The following IQCM variants were observed in gnomAD, a reference collection of about 807,000 sequenced individuals.
The protein encoded by IQCM is IQ domain-containing protein M.
Under a neutral mutation model 57.6 loss-of-function variants are expected in IQCM, and 45 were observed. That is an observed-to-expected ratio of 0.78 (90% CI 0.62 to 1.00). The LOEUF is 1.00. Among genes scored for constraint, IQCM ranks in the 50% least tolerant of loss-of-function variants. IQCM has a pLI of 0.00. For missense variants in IQCM, 468 were observed against 511.6 expected (o/e 0.91, Z 0.82); for synonymous variants, 148 against 158.9 (o/e 0.93, Z 0.51).
At chr4:149,777,885 G>A (rs1771239607) in intron 2 of IQCM, among the ~76,000 whole-genome samples, 1 of 151,898 alleles carries the variant, frequency 6.6e-6, no homozygotes, top group African/African-American at 2.4e-5. Context: ...GAAGTAAAGA[G>A]GTCAGCAATC....
rs1435494512 is a variant in IQCM, at chr4:149,627,578, ATAT to A, written c.566-6337_566-6335del. On this transcript the variant is annotated intron_variant, in intron 7 of 13. Coordinates refer to ENST00000636793, the MANE Select transcript of IQCM (RefSeq NM_001363507.2). ...TGTTCCATTTAACAGAGGAGAAAAC[ATAT>A]TATGTCCCTTGGTCAAGTTCAGAGG... Among the ~76,000 whole-genome samples, 4 of 152,274 alleles carry A rather than the reference ATAT, an allele frequency of 2.6e-5. No homozygotes were observed. The East Asian group carries it at 7.7e-4, about 29-fold the overall frequency.
intron 12 of IQCM, among the ~76,000 whole-genome samples, chr4:149,541,350 T>C (rs1209987619): frequency 1.3e-5 from 2 of 152,134 alleles, no homozygotes; most frequent in East Asian, 1.9e-4. Flanking sequence ...TCATGTTTTT[T>C]AAGATTTTTG....
chr4:149,444,393 C>T (rs1183056931), intron 12 of IQCM, among the ~76,000 whole-genome samples: 1 of 151,840 alleles, frequency 6.6e-6, no homozygotes, highest in Non-Finnish European at 1.5e-5. Flanking sequence ...ATATTTCTAA[C>T]ATTGGAGATA....
intron 7 of IQCM, among the ~76,000 whole-genome samples, chr4:149,673,483 A>AT (rs1394871934): frequency 1.3e-5 from 2 of 152,178 alleles, no homozygotes; most frequent in Non-Finnish European, 2.9e-5. Context: ...CTAGTCTCTG[A>AT]TAAAACAGAC....
At chr4:149,472,961 C>A (rs1739750008) in intron 12 of IQCM, among the ~76,000 whole-genome samples, 1 of 152,148 alleles carries the variant, frequency 6.6e-6, no homozygotes, top group South Asian at 2.1e-4. Context: ...ACACCTTATA[C>A]AAAAATTAAT....
chr4:149,447,735 C>A (rs1195213154), intron 12 of IQCM, among the ~76,000 whole-genome samples: 1 of 151,434 alleles, frequency 6.6e-6, no homozygotes, highest in Non-Finnish European at 1.5e-5. Flanking sequence ...AAAATAATGA[C>A]CAATTTTCCA....
intron 13 of IQCM, among the ~76,000 whole-genome samples, chr4:149,383,679 C>A (rs1731226894): frequency 6.6e-6 from 1 of 152,110 alleles, no homozygotes; most frequent in South Asian, 2.1e-4. Context: ...ATAAGCCGTG[C>A]ATGGTGGCTT....
intron 8 of IQCM, among the ~76,000 whole-genome samples, chr4:149,611,805 T>A (rs1290925019): frequency 1.3e-5 from 2 of 152,214 alleles, no homozygotes; most frequent in Non-Finnish European, 2.9e-5. Flanking sequence ...AACTATGATT[T>A]ATTGTATATT....
At chr4:149,770,473 C>T (rs1770468779) in intron 2 of IQCM, among the ~76,000 whole-genome samples, 1 of 151,942 alleles carries the variant, frequency 6.6e-6, no homozygotes, top group Non-Finnish European at 1.5e-5. Context: ...ACCAGAGATA[C>T]ATTACAAGAA....
chr4:149,435,833 T>C (rs1446172447), intron 12 of IQCM, among the ~76,000 whole-genome samples: 1 of 152,134 alleles, frequency 6.6e-6, no homozygotes, highest in Non-Finnish European at 1.5e-5. Context: ...AAATAGGGCT[T>C]ACAGAATAAG....
intron 12 of IQCM, among the ~76,000 whole-genome samples, chr4:149,543,855 TAAAC>T (rs1748111412): frequency 6.6e-6 from 1 of 152,180 alleles, no homozygotes; most frequent in South Asian, 2.1e-4. Context: ...AAAAGTCACT[TAAAC>T]AACCTAAACT....
At chr4:149,639,353 G>T (rs574464743) in intron 7 of IQCM, among the ~76,000 whole-genome samples, 1 of 151,680 alleles carries the variant, frequency 6.6e-6, no homozygotes, top group African/African-American at 2.4e-5. Context: ...TTGAGCCCGG[G>T]AGATCGAGGC....
At chr4:149,513,532 G>C (rs531669043) in intron 12 of IQCM, among the ~76,000 whole-genome samples, 1 of 152,258 alleles carries the variant, frequency 6.6e-6, no homozygotes, top group African/African-American at 2.4e-5. Context: ...AATTATTCTA[G>C]TGTATTCAAT....
chr4:149,629,516 T>C lies in IQCM; in HGVS notation c.566-8272A>G, dbSNP rs554456416. 1.4e-4 allele frequency among the ~76,000 whole-genome samples: 22 copies of C among 152,212 alleles called. 1 individual carries two copies. The highest frequency in any genetic ancestry group is 5.1e-4 in the African/African-American group (21 of 41,530). On this transcript the variant is annotated intron_variant, in intron 7 of 13. Coordinates refer to ENST00000636793, the MANE Select transcript of IQCM (RefSeq NM_001363507.2). ...TTGCCCTTCAGAAAGCTCTTCCTTA[T>C]ATCATGGGAACAGCCTCTGGGTGTT...
At chr4:149,452,210 G>T (rs1191881584) in intron 12 of IQCM, among the ~76,000 whole-genome samples, 1 of 151,350 alleles carries the variant, frequency 6.6e-6, no homozygotes, top group Non-Finnish European at 1.5e-5. Flanking sequence ...AAATAAATGG[G>T]GAGATATGTC....
rs1757301979 is a variant in IQCM at position 149,631,950 on chromosome 4, G to A, written c.566-10706C>T. ...AGTGATTAAGCACATTGGACATTTTGGCTCAAACTCTACCCAGTTTGGTTT... is the reference window on the plus strand; with the variant it reads ...AGTGATTAAGCACATTGGACATTTTAGCTCAAACTCTACCCAGTTTGGTTT... On this transcript the variant is annotated intron_variant, in intron 7 of 13. Coordinates refer to ENST00000636793, the MANE Select transcript of IQCM (RefSeq NM_001363507.2). Among the ~76,000 whole-genome samples the A allele has an allele frequency of 6.6e-5, 10 of 152,148 alleles. No homozygotes were observed. The South Asian group carries it at 2.1e-3, about 31-fold the overall frequency.
At chr4:149,666,831 G>A (rs1760773483) in intron 7 of IQCM, among the ~76,000 whole-genome samples, 1 of 151,974 alleles carries the variant, frequency 6.6e-6, no homozygotes, top group African/African-American at 2.4e-5. Context: ...TTGGGTGGAG[G>A]CCACCACAGC....
rs533552485 is a variant in IQCM, at chr4:149,684,178, T to C, written c.477-1972A>G. Among the ~76,000 whole-genome samples, 10 of 151,430 alleles carry C rather than the reference T, an allele frequency of 6.6e-5. No homozygotes were observed. In the South Asian group the frequency reaches 1.9e-3, roughly 28 times the overall value. ...TAAAGAGTATTTTAATGTAGGGAAA[T>C]CTTTGAATTTAGAATTCAAAGGTAC... On this transcript the variant is annotated intron_variant, in intron 6 of 13. Transcript: ENST00000636793.
rs546311533 is a variant in IQCM at position 149,554,366 on chromosome 4, G to A, written c.949-1079C>T. Among the ~76,000 whole-genome samples the A allele has an allele frequency of 1.6e-3, 236 of 151,428 alleles. 1 individual carries two copies. Among genetic ancestry groups the A allele is most frequent in the African/African-American group, 5.5e-3 (228 of 41,284 alleles). ...TCATCCTTTTTTTTTTTCTTGAGAC[G>A]GAGTCTCGGTCTGTTACTAGGCTGG... On this transcript the variant is annotated intron_variant, in intron 10 of 13. Coordinates refer to ENST00000636793, the MANE Select transcript of IQCM (RefSeq NM_001363507.2).
Sources: gnomAD v4.1 joint callset for allele counts (sites outside exome capture counted in the v4.1 genomes callset) on GRCh38, gnomAD v4.1.1 for gene constraint, MANE v1.5 for transcripts, NCBI Gene and HGNC (gene_info 2026-07-23, HGNC 2026-07-21) for gene names.